KLHL8: variants seen among roughly 807,000 people sequenced by gnomAD.
The protein encoded by KLHL8 is kelch-like protein 8.
KLHL8 carries 38 observed loss-of-function variants against 63.5 expected under a neutral mutation model. The ratio of observed to expected loss-of-function variants is 0.60; its 90% confidence interval spans 0.46 to 0.78. KLHL8 has a LOEUF of 0.78. Among genes scored for constraint, KLHL8 ranks in the 30% least tolerant of loss-of-function variants. KLHL8 has a pLI of 0.00. For synonymous variants in KLHL8, 224 were observed against 254.3 expected (o/e 0.88, Z 1.13); for missense variants, 566 against 752.4 (o/e 0.75, Z 2.90).
intron 1 of KLHL8, among the ~76,000 whole-genome samples, chr4:87,195,917 T>C (rs1245159586): frequency 6.6e-6 from 1 of 152,152 alleles, no homozygotes; most frequent in Non-Finnish European, 1.5e-5. Flanking sequence ...CTTGAGCACA[T>C]GACTTTTGAG....
At position 87,183,261 on chromosome 4, in the gene KLHL8, G is replaced by A. The variant is rs767140417; in HGVS notation, c.894C>T (p.Ser298=). Residue 298 remains serine, a synonymous_variant, in exon 4 of 10, where the codon AGC becomes AGT. Transcript: ENST00000273963. Reference sequence around the variant, plus strand: ...AGTATTCAAAGTCAGGTACTGCTCTGCTACTCAAGTGAAGGTGGTAATTTC... The same window carrying A: ...AGTATTCAAAGTCAGGTACTGCTCTACTACTCAAGTGAAGGTGGTAATTTC... The part of the protein sequence containing the change: ...EARNYHLHLS[S]RAVPDFEYSI... 2.9e-5 allele frequency: 47 copies of A among 1,613,648 alleles called. No homozygotes were observed. Among genetic ancestry groups the A allele is most frequent in the Non-Finnish European group, 3.6e-5 (43 of 1,179,810 alleles).
chr4:87,166,631 T>C (rs1000247368), intron 8 of KLHL8, among the ~76,000 whole-genome samples: 8 of 152,214 alleles, frequency 5.3e-5, no homozygotes, highest in African/African-American at 1.9e-4. Context: ...TGCATCACTA[T>C]AACTTGAGAA....
intron 4 of KLHL8, 30 bp downstream of exon 4, chr4:87,183,172 TC>T (rs1731118844): frequency 5.2e-6 from 8 of 1,532,828 alleles, no homozygotes; most frequent in Admixed American, 1.8e-5. Flanking sequence ...CAAAGATCCT[TC>T]CAGGAGAATT....
Position 87,162,134 on chromosome 4 carries a change from C to G in KLHL8, c.*1385G>C, listed in dbSNP as rs1408089273. ...GCTTCCTTATGAACCAGATTACTGA[C>G]CAGCGGTGAACTACAATAAATTCGA... is the stretch of plus-strand genomic sequence containing the variant. On this transcript the variant is annotated 3_prime_UTR_variant, in exon 10 of 10. Transcript: ENST00000273963. 6.6e-6 allele frequency: 1 copy of G among 152,102 alleles called. No individual in the cohort carries two copies. Among genetic ancestry groups the G allele is most frequent in the Non-Finnish European group, 1.5e-5 (1 of 68,026 alleles). The allele number at this position is 152,102 out of a possible 1,614,324, so 9.4% of individuals were successfully genotyped here. A position where few individuals can be genotyped will look rare whatever the true frequency, so the allele number is the denominator to read the frequency against.
rs1174115741 is a variant in KLHL8 at position 87,226,859 on chromosome 4, A to AAC, written n.58-5470_58-5469insGT. Among the ~76,000 whole-genome samples, 17 of 28,752 alleles carry AAC rather than the reference A, an allele frequency of 5.9e-4. 1 individual carries two copies. The highest frequency in any genetic ancestry group is 2.8e-3 in the African/African-American group (16 of 5,652). 18.9% of individuals were successfully genotyped at this position (28,752 alleles called of 152,430 possible). A position where few individuals can be genotyped will look rare whatever the true frequency, so the allele number is the denominator to read the frequency against. On this transcript the variant is annotated intron_variant and non_coding_transcript_variant, in intron 1 of 1. Transcript: ENST00000506274. Reference sequence around the variant, plus strand: ...AATAATATATATATTATATATAAATAATATATATTATATATAAATAATATA... The same window carrying AAC: ...AATAATATATATATTATATATAAATAACATATATATTATATATAAATAATATA...
At chr4:87,238,525 A>G (rs1403672521) in intron 1 of KLHL8, among the ~76,000 whole-genome samples, 1 of 152,138 alleles carries the variant, frequency 6.6e-6, no homozygotes. Flanking sequence ...CACACACAAA[A>G]AAGTTCTATA....
At chr4:87,233,247 T>C (rs1371815687) in intron 1 of KLHL8, among the ~76,000 whole-genome samples, 3 of 152,124 alleles carry the variant, frequency 2.0e-5, no homozygotes, top group African/African-American at 7.2e-5. Context: ...TTTACCATGT[T>C]GCCCAGGCTG....
intron 4 of KLHL8, among the ~76,000 whole-genome samples, chr4:87,181,064 T>C (rs2109984421): frequency 6.6e-6 from 1 of 150,912 alleles, no homozygotes; most frequent in East Asian, 2.0e-4. Flanking sequence ...AAAAAAAAAG[T>C]TGGAAGAAAC....
intron 6 of KLHL8, among the ~76,000 whole-genome samples, chr4:87,172,184 G>A (rs1054129706): frequency 2.6e-5 from 4 of 152,282 alleles, no homozygotes; most frequent in Non-Finnish European, 4.4e-5. Flanking sequence ...TGAATGCAGT[G>A]TGCCATTGCT....
chr4:87,207,978 G>T, intron 1 of KLHL8: 2 of 767,226 alleles, frequency 2.6e-6, no homozygotes, highest in South Asian at 2.8e-5. Flanking sequence ...TCAATGTTAG[G>T]GCTGGCATTG....
At chr4:87,201,656 G>C (rs987455025) in intron 1 of KLHL8, among the ~76,000 whole-genome samples, 1 of 152,014 alleles carries the variant, frequency 6.6e-6, no homozygotes, top group Admixed American at 6.6e-5. Context: ...AAATTTAAAA[G>C]AAATTACATT....
chr4:87,185,108 G>C (rs1731199491), intron 3 of KLHL8, 143 bp downstream of exon 3: 4 of 764,410 alleles, frequency 5.2e-6, no homozygotes, highest in South Asian at 2.7e-5. Context: ...GAAAATTAGA[G>C]AGCTAAAAGC....
chr4:87,187,101 A>G (rs1412931870), intron 2 of KLHL8, among the ~76,000 whole-genome samples: 1 of 152,184 alleles, frequency 6.6e-6, no homozygotes, highest in African/African-American at 2.4e-5. Context: ...CACATTCTCT[A>G]TTATTCCAAC....
chr4:87,183,047 A>G (rs1044555045), intron 4 of KLHL8, among the ~76,000 whole-genome samples, 156 bp downstream of exon 4: 11 of 152,224 alleles, frequency 7.2e-5, no homozygotes, highest in African/African-American at 2.7e-4. Context: ...TAAATAATGT[A>G]CAGTAAAAAT....
chr4:87,179,541 G>A (rs1317239856), intron 4 of KLHL8, among the ~76,000 whole-genome samples: 1 of 152,162 alleles, frequency 6.6e-6, no homozygotes, highest in Non-Finnish European at 1.5e-5. Flanking sequence ...TTGGGAGGCT[G>A]AGGCAGGAGA....
intron 2 of KLHL8, among the ~76,000 whole-genome samples, chr4:87,190,536 C>T (rs1287113595): frequency 3.3e-5 from 5 of 151,550 alleles, no homozygotes; most frequent in East Asian, 1.9e-4. Context: ...CCCAGCTACT[C>T]GGGGGGCTGA....
Position 87,163,208 on chromosome 4 carries a change from TAGAGAG to T in KLHL8, c.*305_*310del, listed in dbSNP as rs61336065. On this transcript the variant is annotated 3_prime_UTR_variant, in exon 10 of 10. Transcript: ENST00000273963. ...CAAATTACATTTTGATTCATCCAAA[TAGAGAG>T]AGAGAGAGAGATTTCAAGATTTTTG... The T allele has an allele frequency of 5.0e-6, 1 of 199,114 alleles. No individual in the cohort carries two copies. The highest frequency in any genetic ancestry group is 1.0e-5 in the Non-Finnish European group (1 of 98,824). The allele number at this position is 199,114 out of a possible 1,614,324, so 12.3% of individuals were successfully genotyped here. A position where few individuals can be genotyped will look rare whatever the true frequency, so the allele number is the denominator to read the frequency against.
At chr4:87,189,880 A>C (rs1229942970) in intron 2 of KLHL8, among the ~76,000 whole-genome samples, 1 of 151,662 alleles carries the variant, frequency 6.6e-6, no homozygotes, top group East Asian at 1.9e-4. Flanking sequence ...ATACAAAAAA[A>C]AAAATTAGCC....
At chr4:87,215,747 T>A (rs2110053063) in intron 1 of KLHL8, among the ~76,000 whole-genome samples, 1 of 152,208 alleles carries the variant, frequency 6.6e-6, no homozygotes, top group South Asian at 2.1e-4. Flanking sequence ...GATTCAGAAA[T>A]TCAAAAAAAG....
Sources: allele counts gnomAD v4.1 joint callset (sites outside exome capture counted in the v4.1 genomes callset), GRCh38; gene constraint gnomAD v4.1.1; transcripts MANE v1.5; gene names NCBI Gene and HGNC (gene_info 2026-07-23, HGNC 2026-07-21).